The following WFDC1 variants were observed in gnomAD, a reference collection of about 807,000 sequenced individuals.
WFDC1 encodes the protein WAP four-disulfide core domain protein 1.
In WFDC1, 39 loss-of-function variants were observed where a neutral mutation model predicts 32.9. The observed-to-expected ratio is 1.19, with a 90% CI of 0.92 to 1.55. The LOEUF is 1.55. Among genes scored for constraint, WFDC1 ranks in the 40% most tolerant of loss-of-function variants. The pLI, the probability that WFDC1 is intolerant of heterozygous loss-of-function variation, is 0.00. For missense variants in WFDC1, 386 were observed against 309.5 expected (o/e 1.25, Z -1.85); for synonymous variants, 184 against 137.4 (o/e 1.34, Z -2.37).
intron 1 of WFDC1, among the ~76,000 whole-genome samples, chr16:84,299,817 G>A (rs1233385239): frequency 6.6e-6 from 1 of 152,266 alleles, no homozygotes; most frequent in Non-Finnish European, 1.5e-5. Context: ...CTGTCCTGCT[G>A]AGGGGGGCTG....
chr16:84,327,283 T>C, intron 6 of WFDC1: 1 of 279,798 alleles, frequency 3.6e-6, no homozygotes, highest in South Asian at 5.5e-5. Flanking sequence ...CTCAGACTCC[T>C]AGGCTCAAGC....
intron 4 of WFDC1, among the ~76,000 whole-genome samples, chr16:84,323,155 G>A (rs1273192370): frequency 1.3e-5 from 2 of 152,194 alleles, no homozygotes; most frequent in Non-Finnish European, 2.9e-5. Context: ...TGCAGTTGCT[G>A]ATCAGCAGGC....
At position 84,324,540 on chromosome 16, in the gene WFDC1, A is replaced by T. The variant is rs1305690744; in HGVS notation, c.604+80A>T. On this transcript the variant is annotated intron_variant, in intron 5 of 6. Coordinates refer to ENST00000219454, the MANE Select transcript of WFDC1 (RefSeq NM_021197.4). The stretch of plus-strand genomic sequence containing the variant: ...AGTTTCTTATGTGAAGAAAAAAATA[A>T]AAGCCCAGGGCTGAGATATAGGGAA... 5.3e-6 allele frequency: 8 copies of T among 1,508,618 alleles called. No individual in the cohort carries two copies. In the East Asian group the frequency reaches 1.8e-4, roughly 34 times the overall value. The allele number at this position is 1,508,618 out of a possible 1,614,324, so 93.5% of individuals were successfully genotyped here.
At chr16:84,306,873 G>A (rs1188352437) in intron 1 of WFDC1, among the ~76,000 whole-genome samples, 2 of 152,188 alleles carry the variant, frequency 1.3e-5, no homozygotes, top group Non-Finnish European at 2.9e-5. Context: ...ACACAGGTAA[G>A]AACAAAACCA....
At chr16:84,322,821 G>T in intron 4 of WFDC1, among the ~76,000 whole-genome samples, 1 of 152,204 alleles carries the variant, frequency 6.6e-6, no homozygotes, top group East Asian at 1.9e-4. Flanking sequence ...TTCTGAGTAG[G>T]TTTGAGGTCA....
intron 1 of WFDC1, among the ~76,000 whole-genome samples, chr16:84,312,713 C>T (rs1369810312): frequency 6.6e-6 from 1 of 152,204 alleles, no homozygotes; most frequent in African/African-American, 2.4e-5. Context: ...AGCAAACACA[C>T]CAAGATTTGC....
chr16:84,299,010 C>G (rs368678978), intron 1 of WFDC1, among the ~76,000 whole-genome samples: 2 of 152,334 alleles, frequency 1.3e-5, no homozygotes, highest in East Asian at 3.9e-4. Context: ...AGTTCCCTGA[C>G]TGGCACAGAA....
In WFDC1 at chr16:84,294,881, CTG is replaced by C. The variant is rs1264723893; in HGVS notation, c.-88_-87del. ...GGTGGAACTAAGAAAGTCCAGCAGA[CTG>C]TGCACGCTCCTGTCCCCACTCACAG... On this transcript the variant is annotated 5_prime_UTR_variant, in exon 1 of 7. Transcript: ENST00000219454. The C allele has an allele frequency of 2.0e-6, 3 of 1,511,580 alleles. No individual in the cohort carries two copies. Among genetic ancestry groups the C allele is most frequent in the Middle Eastern group, 1.9e-4 (1 of 5,214 alleles). The allele number at this position is 1,511,580 out of a possible 1,614,324, so 93.6% of individuals were successfully genotyped here. A position where few individuals can be genotyped will look rare whatever the true frequency, so the allele number is the denominator to read the frequency against.
intron 2 of WFDC1, among the ~76,000 whole-genome samples, chr16:84,314,129 G>A (rs561902375): frequency 1.3e-4 from 20 of 152,344 alleles, no homozygotes; most frequent in African/African-American, 4.8e-4. Context: ...ACTGCGCGGG[G>A]CTGGGAGCAG....
Position 84,297,617 on chromosome 16 carries a change from CAAAAAA to C in WFDC1, c.144+2527_144+2532del, listed in dbSNP as rs150683526. Among the ~76,000 whole-genome samples, 269 of 69,444 alleles carry C rather than the reference CAAAAAA, an allele frequency of 3.9e-3. 1 individual carries two copies. Among genetic ancestry groups the C allele is most frequent in the Middle Eastern group, 0.013 (1 of 78 alleles). 45.6% of individuals were successfully genotyped at this position (69,444 alleles called of 152,430 possible). A position where few individuals can be genotyped will look rare whatever the true frequency, so the allele number is the denominator to read the frequency against. On this transcript the variant is annotated intron_variant, in intron 1 of 6. Coordinates refer to ENST00000219454, the MANE Select transcript of WFDC1 (RefSeq NM_021197.4). ...GGGCAACAAGAGTGAAACTCTGTCT[CAAAAAA>C]AAAAAAAAAAAAAAAAAAAAAAAAC...
intron 1 of WFDC1, among the ~76,000 whole-genome samples, chr16:84,311,061 C>G (rs1907587040): frequency 6.6e-6 from 1 of 152,128 alleles, no homozygotes; most frequent in Non-Finnish European, 1.5e-5. Flanking sequence ...TGCAAATGAG[C>G]ACAAACTGCT....
At chr16:84,316,663 C>T (rs961771322) in intron 2 of WFDC1, 12 of 152,122 alleles carry the variant, frequency 7.9e-5, no homozygotes, top group African/African-American at 2.9e-4. Context: ...CACTTAAAAA[C>T]CAGAAGATTT....
At chr16:84,321,093 T>C (rs924821331) in intron 4 of WFDC1, among the ~76,000 whole-genome samples, 20 of 152,338 alleles carry the variant, frequency 1.3e-4, no homozygotes, top group African/African-American at 4.6e-4. Context: ...TTTGGGGTTA[T>C]AGGGTGGCTT....
At chr16:84,308,582 A>C (rs1381539188) in intron 1 of WFDC1, among the ~76,000 whole-genome samples, 2 of 152,266 alleles carry the variant, frequency 1.3e-5, no homozygotes, top group Non-Finnish European at 2.9e-5. Flanking sequence ...GAGGACCAGC[A>C]CGTGCCAATG....
intron 5 of WFDC1, among the ~76,000 whole-genome samples, chr16:84,325,408 G>A (rs1450717472): frequency 6.6e-6 from 1 of 151,962 alleles, no homozygotes; most frequent in Non-Finnish European, 1.5e-5. Flanking sequence ...TCACCTTGTT[G>A]GCCAGGCTGG....
intron 4 of WFDC1, among the ~76,000 whole-genome samples, chr16:84,321,465 T>C (rs8182226): frequency 0.98 from 148,668 of 152,296 alleles, 72,666 homozygotes; most frequent in East Asian, 1. Context: ...GGGCGAGTTG[T>C]GAGTTCGTTG....
chr16:84,319,683 GGCCT>G, intron 4 of WFDC1, 112 bp downstream of exon 4: 1 of 1,423,096 alleles, frequency 7.0e-7, no homozygotes, highest in East Asian at 2.4e-5. Context: ...CCAGCACCTG[GGCCT>G]GACTGAGAGC....
chr16:84,327,540 T>C (rs1908675006), intron 6 of WFDC1: 1 of 152,332 alleles, frequency 6.6e-6, no homozygotes, highest in Non-Finnish European at 1.5e-5. Flanking sequence ...TAAAATTGTT[T>C]TTGTTATATA....
At chr16:84,310,554 A>C (rs1907551448) in intron 1 of WFDC1, among the ~76,000 whole-genome samples, 1 of 152,100 alleles carries the variant, frequency 6.6e-6, no homozygotes, top group South Asian at 2.1e-4. Flanking sequence ...AATAGAAAGA[A>C]ATCTCTCTCA....
Sources: allele counts gnomAD v4.1 joint callset (sites outside exome capture counted in the v4.1 genomes callset), GRCh38; gene constraint gnomAD v4.1.1; transcripts MANE v1.5; gene names NCBI Gene and HGNC (gene_info 2026-07-23, HGNC 2026-07-21).